POLR2F: variants seen among roughly 807,000 people sequenced by gnomAD.
POLR2F encodes RNA polymerase II, I and III subunit F, also known as DNA-directed RNA polymerases I, II, and III subunit RPABC2.
POLR2F carries 12 observed loss-of-function variants against 22.7 expected under a neutral mutation model. The ratio of observed to expected loss-of-function variants is 0.53; its 90% CI spans 0.34 to 0.86. The LOEUF is 0.86. Among genes scored for constraint, POLR2F ranks in the 40% least tolerant of loss-of-function variants. The probability of loss-of-function intolerance (pLI) is 0.02; values close to 1 mark genes in which losing one functional copy is unlikely to be tolerated. For synonymous variants in POLR2F, 57 were observed against 66.0 expected (o/e 0.86, Z 0.66); for missense variants, 126 against 171.5 (o/e 0.73, Z 1.48).
chr22:37,971,399 T>C (rs750064966), downstream of POLR2F: 2 of 438,010 alleles, frequency 4.6e-6, no homozygotes, highest in Non-Finnish European at 9.6e-6. Flanking sequence ...ATATAAGCTG[T>C]TATGAGCTGG....
chr22:38,020,799 T>G (rs947436121), intron 1 of POLR2F, among the ~76,000 whole-genome samples: 3 of 152,042 alleles, frequency 2.0e-5, no homozygotes, highest in South Asian at 2.1e-4. Flanking sequence ...CTGCCACCTT[T>G]TCCCCTCCAC....
chr22:37,955,835 A>G (rs574693736), intron 1 of POLR2F, among the ~76,000 whole-genome samples: 146 of 151,324 alleles, frequency 9.6e-4, no homozygotes, highest in Non-Finnish European at 1.8e-3. Flanking sequence ...GGCGCCCACC[A>G]CCACACCCGG....
rs1438353735 is a variant in POLR2F, at chr22:37,978,345, G to T, written c.293+11175G>T. 6.6e-6 allele frequency among the ~76,000 whole-genome samples: 1 copy of T among 152,244 alleles called. No homozygotes were observed. The highest frequency in any genetic ancestry group is 2.4e-5 in the African/African-American group (1 of 41,468). On this transcript the variant is annotated intron_variant, in intron 4 of 4. Coordinates refer to the POLR2F transcript ENST00000405557. This position sits in a 1 kb window ranked among gnomAD's most constrained non-coding sequence, Gnocchi z 5.0. ...CAAGGAATAACAGCCTCAGAGGGCT[G>T]CCCCCAAATCTTTCATGGGCTGGAG...
intron 1 of POLR2F, among the ~76,000 whole-genome samples, chr22:38,000,810 AC>A (rs2084762336): frequency 6.6e-6 from 1 of 152,142 alleles, no homozygotes; most frequent in Non-Finnish European, 1.5e-5. Flanking sequence ...GCTGATGAGG[AC>A]CCACCAACTC....
At chr22:38,035,320 G>A (rs191031260) in intron 5 of POLR2F, among the ~76,000 whole-genome samples, 7 of 152,270 alleles carry the variant, frequency 4.6e-5, no homozygotes, top group Admixed American at 4.6e-4. Context: ...CACCTTGCCT[G>A]ATTCTCAGCA....
Position 38,021,653 on chromosome 22 carries a change from C to T in POLR2F, c.121-4216C>T, listed in dbSNP as rs2084961151. Among the ~76,000 whole-genome samples the T allele has an allele frequency of 2.0e-5, 3 of 150,444 alleles. No individual in the cohort carries two copies. The Admixed American group carries it at 2.0e-4, about 10-fold the overall frequency. On this transcript the variant is annotated intron_variant, in intron 1 of 2. Coordinates refer to the POLR2F transcript ENST00000333418. Reference sequence around the variant, plus strand: ...TATATTTTTAATAGAGATGGGGTTTCACCATGTTGGCCAGGGTGGTCTCAA... The same window carrying T: ...TATATTTTTAATAGAGATGGGGTTTTACCATGTTGGCCAGGGTGGTCTCAA...
chr22:37,982,297 C>T (rs886919768), upstream of POLR2F, among the ~76,000 whole-genome samples: 3 of 152,118 alleles, frequency 2.0e-5, no homozygotes, highest in African/African-American at 7.2e-5. Flanking sequence ...CCTTTCTGGG[C>T]CTGTCTCTTG....
intron 1 of POLR2F, among the ~76,000 whole-genome samples, chr22:37,990,365 T>C (rs1408434833): frequency 6.6e-6 from 1 of 152,244 alleles, no homozygotes; most frequent in Non-Finnish European, 1.5e-5. Context: ...ACCAGGAAGC[T>C]GGGGCCAGTG....
At chr22:38,013,979 G>A (rs947655395) in intron 1 of POLR2F, among the ~76,000 whole-genome samples, 9 of 151,886 alleles carry the variant, frequency 5.9e-5, no homozygotes, top group South Asian at 4.2e-4. Context: ...AAAATTAGCC[G>A]GGCATGATGG....
rs903677648 is a variant in POLR2F, at chr22:37,959,268, G to A, written c.91-78G>A. ...TAACGGTGGCTGTAGCGAGAATTGT[G>A]ATTGTTGTCATTATCACTCTCCCTG... On this transcript the variant is annotated intron_variant, in intron 2 of 4. Transcript: ENST00000442738. 6 of 1,472,218 alleles carry A rather than the reference G, an allele frequency of 4.1e-6. No homozygotes were observed. In the African/African-American group the frequency reaches 8.4e-5, roughly 21 times the overall value. The allele number at this position is 1,472,218 out of a possible 1,614,324, so 91.2% of individuals were successfully genotyped here.
At chr22:37,965,511 G>A (rs1931820161) in intron 3 of POLR2F, among the ~76,000 whole-genome samples, 1 of 152,240 alleles carries the variant, frequency 6.6e-6, no homozygotes, top group African/African-American at 2.4e-5. Flanking sequence ...CGGAATGAGT[G>A]AATGCCCTTG....
Position 37,978,821 on chromosome 22 carries a change from T to C in POLR2F, c.293+11651T>C, listed in dbSNP as rs896455904. Among the ~76,000 whole-genome samples the C allele has an allele frequency of 2.6e-5, 4 of 152,052 alleles. No individual in the cohort carries two copies. The highest frequency in any genetic ancestry group is 9.7e-5 in the African/African-American group (4 of 41,400). ...TGAGGGAATCTCACTCTGTCACCCA[T>C]GCTAGAGCTCAGTGGTATGATCTCA... On this transcript the variant is annotated intron_variant, in intron 4 of 4. Coordinates refer to the POLR2F transcript ENST00000405557. The surrounding 1 kb of genome is among the most constrained non-coding windows in gnomAD (Gnocchi z 5.0).
chr22:38,022,371 G>A (rs1332614931), intron 1 of POLR2F, among the ~76,000 whole-genome samples: 1 of 151,798 alleles, frequency 6.6e-6, no homozygotes. Context: ...GACCAACATG[G>A]TGAAACCCTG....
rs763157475 is a variant in POLR2F, at chr22:37,959,385, C to T, written c.130C>T (p.Arg44Ter). 2 of 1,613,678 alleles carry T rather than the reference C, an allele frequency of 1.2e-6. No individual in the cohort carries two copies. The highest frequency in any genetic ancestry group is 8.5e-7 in the Non-Finnish European group (1 of 1,179,742). ...ENVEILPSGE[R>*]PQANQKRITT... is the part of the protein sequence containing the mutation. ...TGTCGAGATCCTCCCCTCTGGGGAG[C>T]GACCGCAGGCCAACCAGAAGCGAAT... Residue 44 changes from arginine to a stop codon, truncating the protein, a stop_gained, in exon 3 of 5, where the codon CGA becomes TGA. Coordinates refer to ENST00000442738, the MANE Select transcript of POLR2F (RefSeq NM_021974.5). LOFTEE classifies it high-confidence loss of function.
In POLR2F at chr22:37,978,334, C is replaced by T. The variant is rs1178130051; in HGVS notation, c.293+11164C>T. ...GATGTGAGGCCCAAGGAATAACAGC[C>T]TCAGAGGGCTGCCCCCAAATCTTTC... is the stretch of plus-strand genomic sequence containing the variant. On this transcript the variant is annotated intron_variant, in intron 4 of 4. Coordinates refer to the POLR2F transcript ENST00000405557. The surrounding 1 kb of genome is among the most constrained non-coding windows in gnomAD (Gnocchi z 5.0). Among the ~76,000 whole-genome samples, 4 of 152,222 alleles carry T rather than the reference C, an allele frequency of 2.6e-5. No homozygotes were observed. The East Asian group carries it at 7.7e-4, about 29-fold the overall frequency.
downstream of POLR2F, among the ~76,000 whole-genome samples, chr22:38,027,619 C>T (rs1399945764): frequency 6.6e-6 from 1 of 152,114 alleles, no homozygotes; most frequent in Non-Finnish European, 1.5e-5. Context: ...AGAGCTTGGC[C>T]CCCAACAATC....
rs1438845561 is a variant in POLR2F at position 37,986,570 on chromosome 22, C to T, written c.120+258C>T. On this transcript the variant is annotated intron_variant, in intron 1 of 2. Transcript: ENST00000333418. The surrounding 1 kb of genome is among the most constrained non-coding windows in gnomAD (Gnocchi z 4.7). ...GGGGGTAGCAGTGGGCACGCTCTGT[C>T]TGCAGGAAGCCACGCTAGACAGAAG... 7 of 785,966 alleles carry T rather than the reference C, an allele frequency of 8.9e-6. No homozygotes were observed. Among genetic ancestry groups the T allele is most frequent in the African/African-American group, 1.7e-5 (1 of 58,862 alleles). The allele number at this position is 785,966 out of a possible 1,614,324, so 48.7% of individuals were successfully genotyped here. A position where few individuals can be genotyped will look rare whatever the true frequency, so the allele number is the denominator to read the frequency against.
intron 4 of POLR2F, among the ~76,000 whole-genome samples, chr22:37,975,129 A>G (rs981481575): frequency 1.3e-5 from 2 of 152,164 alleles, no homozygotes; most frequent in Admixed American, 1.3e-4. Flanking sequence ...TCACTTTCCT[A>G]TTCACATATT....
intron 1 of POLR2F, among the ~76,000 whole-genome samples, chr22:38,008,359 G>A (rs1244205793): frequency 6.6e-6 from 1 of 151,282 alleles, no homozygotes; most frequent in Admixed American, 6.6e-5. Context: ...AGACCAGGCT[G>A]GTCAACATGG....
Sources: gnomAD v4.1 joint callset for allele counts (sites outside exome capture counted in the v4.1 genomes callset) on GRCh38, gnomAD v4.1.1 for gene constraint, Gnocchi (gnomAD v3.1) non-coding constraint, MANE v1.5 for transcripts, NCBI Gene and HGNC (gene_info 2026-07-23, HGNC 2026-07-21) for gene names.